The following VPS26A variants were observed in gnomAD, a reference collection of about 807,000 sequenced individuals.
VPS26A encodes the protein VPS26 retromer complex component A.
In VPS26A, 22 loss-of-function variants were observed where a neutral mutation model predicts 42.4. The ratio of observed to expected loss-of-function variants is 0.52; its 90% CI spans 0.37 to 0.74. The LOEUF (loss-of-function observed/expected upper bound fraction) is 0.74, where lower values mean the gene tolerates loss of function less well. VPS26A is among the 30% of genes least tolerant of loss of function. VPS26A has a pLI of 0.00. For synonymous variants in VPS26A, 110 were observed against 123.5 expected (o/e 0.89, Z 0.73); for missense variants, 276 against 379.2 (o/e 0.73, Z 2.26).
chr10:69,153,778 C>G (rs961241644), intron 2 of VPS26A, among the ~76,000 whole-genome samples: 1 of 151,978 alleles, frequency 6.6e-6, no homozygotes, highest in Non-Finnish European at 1.5e-5. Flanking sequence ...CGAGACCAGC[C>G]TGGGCAATAT....
At chr10:69,161,036 A>G (rs1841550536) in intron 5 of VPS26A, among the ~76,000 whole-genome samples, 1 of 152,228 alleles carries the variant, frequency 6.6e-6, no homozygotes, top group Middle Eastern at 3.4e-3. Flanking sequence ...AAATATCTTC[A>G]TACACCAAAT....
chr10:69,128,720 C>G (rs374128681), intron 1 of VPS26A, among the ~76,000 whole-genome samples: 117 of 152,080 alleles, frequency 7.7e-4, no homozygotes, highest in African/African-American at 2.4e-3. Context: ...TAAGGCCAAG[C>G]AAGGTGGCTC....
chr10:69,130,606 A>C (rs900367520), intron 1 of VPS26A, among the ~76,000 whole-genome samples: 1 of 152,350 alleles, frequency 6.6e-6, no homozygotes, highest in Middle Eastern at 3.4e-3. Flanking sequence ...TAGCTTGATG[A>C]ATTTTCACCA....
At chr10:69,147,590 G>A (rs1242299157) in intron 2 of VPS26A, among the ~76,000 whole-genome samples, 3 of 152,156 alleles carry the variant, frequency 2.0e-5, no homozygotes, top group East Asian at 1.9e-4. Flanking sequence ...TTGTGATGGC[G>A]TGAGGCAGCA....
At chr10:69,128,230 A>ATT (rs34855332) in intron 1 of VPS26A, among the ~76,000 whole-genome samples, 48 of 122,046 alleles carry the variant, frequency 3.9e-4, no homozygotes, top group Admixed American at 6.0e-4. Flanking sequence ...TTGGGATTTG[A>ATT]TTTTTTTTTT....
intron 8 of VPS26A, among the ~76,000 whole-genome samples, chr10:69,169,230 CTT>C (rs1841760998): frequency 6.6e-6 from 1 of 150,696 alleles, no homozygotes; most frequent in Non-Finnish European, 1.5e-5. Context: ...ATATCTTTCT[CTT>C]AACAAATATA....
intron 1 of VPS26A, among the ~76,000 whole-genome samples, chr10:69,127,325 G>A (rs1177539927): frequency 6.6e-6 from 1 of 150,900 alleles, no homozygotes; most frequent in Admixed American, 6.6e-5. Context: ...AGGCCGAGGC[G>A]GGCGGATCAC....
intron 6 of VPS26A, among the ~76,000 whole-genome samples, chr10:69,164,341 G>A (rs1235198438): frequency 3.3e-5 from 5 of 151,676 alleles, no homozygotes; most frequent in Admixed American, 2.6e-4. Flanking sequence ...CCTCAGCGTT[G>A]TGGGTAGCTG....
chr10:69,133,523 T>C (rs1313231957), intron 2 of VPS26A: 1 of 1,280,492 alleles, frequency 7.8e-7, no homozygotes, highest in Admixed American at 2.4e-5. Context: ...CTGTTGATCT[T>C]ATTTCTAGGT....
chr10:69,152,690 C>T (rs530943401), intron 2 of VPS26A, among the ~76,000 whole-genome samples: 13 of 152,108 alleles, frequency 8.5e-5, no homozygotes, highest in South Asian at 2.1e-4. Context: ...TAAAAAACGG[C>T]GGGGCACAGT....
At chr10:69,137,015 CT>C (rs1784541051) in intron 2 of VPS26A, among the ~76,000 whole-genome samples, 1 of 152,052 alleles carries the variant, frequency 6.6e-6, no homozygotes, top group Non-Finnish European at 1.5e-5. Flanking sequence ...TGGTCTCGAA[CT>C]CCTAACCTTG....
chr10:69,149,734 G>GTTTTTT lies in VPS26A; in HGVS notation c.154-6053_154-6048dup, dbSNP rs869048277. ...AATGTTAACTTTCTTGGTGTTTTTT[G>GTTTTTT]TTTTTTTTTTTTTTTTTTTTTTTTT... On this transcript the variant is annotated intron_variant, in intron 2 of 8. Coordinates refer to ENST00000263559, the MANE Select transcript of VPS26A (RefSeq NM_004896.5). Among the ~76,000 whole-genome samples the GTTTTTT allele has an allele frequency of 4.2e-3, 90 of 21,320 alleles. 2 individuals carry two copies. The highest frequency in any genetic ancestry group is 5.2e-3 in the Non-Finnish European group (30 of 5,772). The allele number at this position is 21,320 out of a possible 152,430, so 14.0% of individuals were successfully genotyped here.
intron 6 of VPS26A, among the ~76,000 whole-genome samples, chr10:69,163,013 C>T (rs560622175): frequency 6.6e-6 from 1 of 152,254 alleles, no homozygotes; most frequent in East Asian, 1.9e-4. Flanking sequence ...TAAGACACAC[C>T]CCTTTTTACT....
chr10:69,164,047 G>A (rs987955370), intron 6 of VPS26A, among the ~76,000 whole-genome samples: 23 of 152,034 alleles, frequency 1.5e-4, no homozygotes, highest in African/African-American at 5.1e-4. Context: ...GATTACAAGC[G>A]TGAGCCACCG....
rs544821039 is a variant in VPS26A, at chr10:69,170,759, A to G, written c.871-397A>G. 4.5e-4 allele frequency among the ~76,000 whole-genome samples: 68 copies of G among 152,350 alleles called. 1 individual carries two copies. In the South Asian group the frequency reaches 0.013, roughly 30 times the overall value. On this transcript the variant is annotated intron_variant, in intron 8 of 8. Transcript: ENST00000263559. ...AATCCAAGCAATGTGCTGGAGGATT[A>G]ACCTGCTAGTGATAATAAAGGATTA...
At position 69,157,975 on chromosome 10, in the gene VPS26A, A is replaced by C. The variant is rs1841467981; in HGVS notation, c.387-72A>C. On this transcript the variant is annotated intron_variant, in intron 4 of 8. Transcript: ENST00000263559. ...GGAGGAGAAGCCTGAGTTGCAGTTA[A>C]TGTTTGCTGATTTAAAACATGAAAA... The C allele has an allele frequency of 2.2e-6, 3 of 1,349,382 alleles. No individual in the cohort carries two copies. In the African/African-American group the frequency reaches 4.5e-5, roughly 20 times the overall value. The allele number at this position is 1,349,382 out of a possible 1,614,324, so 83.6% of individuals were successfully genotyped here. A position where few individuals can be genotyped will look rare whatever the true frequency, so the allele number is the denominator to read the frequency against.
rs1841869047 is a variant in VPS26A, at chr10:69,173,721, T to C, written c.*2452T>C. ...GCTTGTGAAAACGCACCAATCAGGC[T>C]GGGCACAGTGGCTCACGCCTGTAAT... is the stretch of plus-strand genomic sequence containing the variant. On this transcript the variant is annotated 3_prime_UTR_variant, in exon 9 of 9. Transcript: ENST00000263559. Among the ~76,000 whole-genome samples the C allele has an allele frequency of 6.6e-6, 1 of 152,154 alleles. No individual in the cohort carries two copies. Among genetic ancestry groups the C allele is most frequent in the Non-Finnish European group, 1.5e-5 (1 of 68,042 alleles).
intron 8 of VPS26A, chr10:69,169,930 A>G (rs189774623): frequency 6.6e-6 from 1 of 152,204 alleles, no homozygotes; most frequent in South Asian, 2.1e-4. Flanking sequence ...TTTGTTTAAT[A>G]TAAAGTGTTC....
chr10:69,166,146 C>CA, intron 7 of VPS26A, 36 bp downstream of exon 7: 1 of 1,570,532 alleles, frequency 6.4e-7, no homozygotes, highest in Non-Finnish European at 8.7e-7. Flanking sequence ...TTGTATAGTG[C>CA]AAACATCAGT....
Sources: allele counts gnomAD v4.1 joint callset (sites outside exome capture counted in the v4.1 genomes callset), GRCh38; gene constraint gnomAD v4.1.1; transcripts MANE v1.5; gene names NCBI Gene and HGNC (gene_info 2026-07-23, HGNC 2026-07-21).